Variants in SPAG16 observed in about 807,000 individuals in gnomAD.
The protein encoded by SPAG16 is sperm-associated antigen 16 protein.
A neutral mutation model predicts 80.4 loss-of-function variants in SPAG16; 86 were observed. The ratio of observed to expected loss-of-function variants is 1.07; its 90% confidence interval spans 0.90 to 1.28. The LOEUF (loss-of-function observed/expected upper bound fraction) is 1.28. Ranked by LOEUF, SPAG16 falls within the 50% of genes most tolerant of loss-of-function variation. SPAG16 has a pLI of 0.00. For synonymous variants in SPAG16, 294 were observed against 265.9 expected (o/e 1.11, Z -1.03); for missense variants, 870 against 765.3 (o/e 1.14, Z -1.61).
At chr2:213,536,814 T>C (rs1348424193) in intron 10 of SPAG16, among the ~76,000 whole-genome samples, 2 of 152,292 alleles carry the variant, frequency 1.3e-5, no homozygotes, top group East Asian at 3.9e-4. Context: ...CATTACTGGG[T>C]ATATACCCAA....
intron 15 of SPAG16, among the ~76,000 whole-genome samples, chr2:214,371,389 G>T (rs1699803382): frequency 1.3e-5 from 2 of 151,698 alleles, no homozygotes; most frequent in African/African-American, 4.8e-5. Context: ...AAAATTAGCT[G>T]GGCATGGTGG....
intron 11 of SPAG16, among the ~76,000 whole-genome samples, chr2:213,905,796 C>T (rs916548630): frequency 5.3e-5 from 8 of 152,034 alleles, no homozygotes; most frequent in African/African-American, 1.7e-4. Context: ...GGGTTATAAG[C>T]GATGCCCACC....
chr2:213,490,670 C>A (rs768472737), intron 10 of SPAG16, among the ~76,000 whole-genome samples: 1 of 151,822 alleles, frequency 6.6e-6, no homozygotes, highest in Non-Finnish European at 1.5e-5. Context: ...CATATATAAA[C>A]CTTATAATTC....
chr2:214,176,171 C>T (rs977072350), intron 15 of SPAG16, among the ~76,000 whole-genome samples: 1 of 151,136 alleles, frequency 6.6e-6, no homozygotes, highest in South Asian at 2.1e-4. Flanking sequence ...TCAAATATAG[C>T]ATTTACCACC....
chr2:213,695,875 G>T (rs988676910), intron 10 of SPAG16, among the ~76,000 whole-genome samples: 1 of 152,156 alleles, frequency 6.6e-6, no homozygotes, highest in Non-Finnish European at 1.5e-5. Context: ...AGCCTTTTGT[G>T]GTTGTTAAGC....
In SPAG16 at chr2:213,297,242, T is replaced by C. The variant is rs918270726; in HGVS notation, c.184-20T>C. 1 of 1,578,736 alleles carries C rather than the reference T, an allele frequency of 6.3e-7. No individual in the cohort carries two copies. The highest frequency in any genetic ancestry group is 8.7e-7 in the Non-Finnish European group (1 of 1,154,544). ...TATTTCTGCTCACTCTTCCTATCCT[T>C]CTCTTTCTCTGTGATCTAGATACCA... is the stretch of plus-strand genomic sequence containing the variant. On this transcript the variant is annotated intron_variant, in intron 2 of 15. Transcript: ENST00000331683.
At chr2:213,313,968 C>T (rs1439129377) in intron 4 of SPAG16, among the ~76,000 whole-genome samples, 1 of 151,806 alleles carries the variant, frequency 6.6e-6, no homozygotes, top group East Asian at 1.9e-4. Flanking sequence ...TCAAGATGAC[C>T]TTTCCCCTGT....
At chr2:214,174,552 A>T (rs2057001848) in intron 15 of SPAG16, among the ~76,000 whole-genome samples, 1 of 151,896 alleles carries the variant, frequency 6.6e-6, no homozygotes, top group African/African-American at 2.4e-5. Flanking sequence ...TTAATGTTGA[A>T]ACAGTTCAGT....
At chr2:214,113,759 G>A (rs186760030) in intron 14 of SPAG16, among the ~76,000 whole-genome samples, 166 of 152,170 alleles carry the variant, frequency 1.1e-3, no homozygotes, top group African/African-American at 3.8e-3. Flanking sequence ...CCTTGTGATG[G>A]GTTTGAACAT....
At chr2:213,424,916 A>G (rs2069815889) in intron 9 of SPAG16, among the ~76,000 whole-genome samples, 2 of 152,108 alleles carry the variant, frequency 1.3e-5, no homozygotes, top group Admixed American at 1.3e-4. Flanking sequence ...GGGAGACCTT[A>G]TAGTTTGGAG....
intron 10 of SPAG16, among the ~76,000 whole-genome samples, chr2:213,686,202 T>C (rs2064661905): frequency 2.0e-5 from 3 of 152,222 alleles, no homozygotes; most frequent in Admixed American, 2.0e-4. Flanking sequence ...CACTTCAACC[T>C]CTGCCTCCCC....
intron 13 of SPAG16, among the ~76,000 whole-genome samples, chr2:214,106,216 T>G (rs897578477): frequency 1.3e-5 from 2 of 152,162 alleles, no homozygotes; most frequent in South Asian, 2.1e-4. Flanking sequence ...ATTACATCAC[T>G]GTATATTAGT....
chr2:213,374,658 G>C (rs892691590), intron 8 of SPAG16, among the ~76,000 whole-genome samples: 5 of 151,778 alleles, frequency 3.3e-5, no homozygotes, highest in Admixed American at 2.0e-4. Flanking sequence ...TTATTATCTA[G>C]TTTCATGTGG....
At chr2:213,953,686 C>T (rs2106330267) in intron 12 of SPAG16, among the ~76,000 whole-genome samples, 2 of 151,684 alleles carry the variant, frequency 1.3e-5, no homozygotes, top group South Asian at 4.1e-4. Flanking sequence ...GATTTTTTTA[C>T]TATGTAAAGT....
chr2:213,409,530 G>A (rs1450167509), intron 9 of SPAG16, among the ~76,000 whole-genome samples: 1 of 152,048 alleles, frequency 6.6e-6, no homozygotes, highest in Non-Finnish European at 1.5e-5. Flanking sequence ...AAGCATAACA[G>A]GTTTTTCTTA....
chr2:213,801,988 G>T (rs1489883633), intron 10 of SPAG16, among the ~76,000 whole-genome samples: 1 of 152,098 alleles, frequency 6.6e-6, no homozygotes, highest in Non-Finnish European at 1.5e-5. Context: ...CTTAATCATA[G>T]TGTCATTTGA....
In SPAG16 at chr2:213,631,886, C is replaced by T. The variant is rs192891548; in HGVS notation, c.1070+141796C>T. 3.2e-3 allele frequency among the ~76,000 whole-genome samples: 492 copies of T among 152,190 alleles called. 2 individuals are homozygous for T. The highest frequency in any genetic ancestry group is 0.011 in the African/African-American group (466 of 41,542). ...GTATCATGCTGTTTGGTTACAGTAG[C>T]TCTGTAGTATCATTTGATGACAGGT... is the stretch of plus-strand genomic sequence containing the variant. On this transcript the variant is annotated intron_variant, in intron 10 of 15. Transcript: ENST00000331683.
intron 11 of SPAG16, among the ~76,000 whole-genome samples, chr2:213,908,846 A>G (rs968983005): frequency 1.3e-5 from 2 of 151,296 alleles, no homozygotes; most frequent in Admixed American, 6.6e-5. Context: ...ATATGTATAC[A>G]TGTGCCATGC....
chr2:213,525,413 C>A (rs952482842), intron 10 of SPAG16, among the ~76,000 whole-genome samples: 1 of 151,434 alleles, frequency 6.6e-6, no homozygotes, highest in Non-Finnish European at 1.5e-5. Flanking sequence ...CTCAGCCTCC[C>A]AAGTAGCTGG....
Sources: allele counts gnomAD v4.1 joint callset (sites outside exome capture counted in the v4.1 genomes callset), GRCh38; gene constraint gnomAD v4.1.1; transcripts MANE v1.5; gene names NCBI Gene and HGNC (gene_info 2026-07-23, HGNC 2026-07-21).